NPM1: variants seen among roughly 807,000 people sequenced by gnomAD.
The protein encoded by NPM1 is nucleophosmin 1.
In NPM1, 1 loss-of-function variant was observed where a neutral mutation model predicts 44.1. The ratio of observed to expected loss-of-function variants is 0.02; its 90% CI spans 0.01 to 0.11. The LOEUF (loss-of-function observed/expected upper bound fraction) is 0.11. Ranked by LOEUF, NPM1 falls within the 10% of genes least tolerant of loss-of-function variation. The probability of loss-of-function intolerance (pLI) is 1.00; values close to 1 mark genes in which losing one functional copy is unlikely to be tolerated. For missense variants in NPM1, 197 were observed against 347.8 expected (o/e 0.57, Z 3.45); for synonymous variants, 126 against 111.8 (o/e 1.13, Z -0.80).
intron 1 of NPM1, among the ~76,000 whole-genome samples, chr5:171,389,628 T>C (rs1770468305): frequency 6.6e-6 from 1 of 152,240 alleles, no homozygotes; most frequent in East Asian, 1.9e-4. Flanking sequence ...TCTTTTGTAA[T>C]AGTAAGCTAT....
At chr5:171,391,548 C>A in intron 3 of NPM1, 124 bp downstream of exon 3, 1 of 1,287,056 alleles carries the variant, frequency 7.8e-7, no homozygotes, top group Non-Finnish European at 1.1e-6. Flanking sequence ...CACTGGAGTT[C>A]GATGGTCAAC....
At chr5:171,395,466 A>G (rs931277658) in intron 6 of NPM1, among the ~76,000 whole-genome samples, 1 of 151,930 alleles carries the variant, frequency 6.6e-6, no homozygotes, top group Non-Finnish European at 1.5e-5. Flanking sequence ...CGCCTGGCTA[A>G]GTTTTGTATT....
Position 171,392,925 on chromosome 5 carries a change from A to G in NPM1, c.471A>G (p.Lys157=), listed in dbSNP as rs535582867. 5.6e-6 allele frequency: 9 copies of G among 1,611,752 alleles called. No individual in the cohort carries two copies. The South Asian group carries it at 6.6e-5, about 12-fold the overall frequency. ...TTTTCTTTTAAAAGAAAAAAGTAAA[A>G]CTTGCTGCTGATGAAGATGATGACG... ...GGSKVPQKKV[K]LAADEDDDDD... is the part of the protein sequence containing the mutation. Residue 157 remains lysine, a synonymous_variant, in exon 6 of 11, where the codon AAA becomes AAG. Transcript: ENST00000296930.
At chr5:171,394,671 A>G (rs958183781) in intron 6 of NPM1, among the ~76,000 whole-genome samples, 11 of 152,230 alleles carry the variant, frequency 7.2e-5, no homozygotes, top group African/African-American at 2.7e-4. Context: ...AAGAATGGGA[A>G]ACAGGCTAAA....
chr5:171,400,977 A>AT, intron 8 of NPM1, 52 bp downstream of exon 8: 3 of 1,229,264 alleles, frequency 2.4e-6, no homozygotes, highest in Non-Finnish European at 3.6e-6. Flanking sequence ...GGGGAAAAAG[A>AT]TTCTACTGTG....
chr5:171,396,830 G>C (rs895607753), intron 6 of NPM1, among the ~76,000 whole-genome samples: 39 of 152,090 alleles, frequency 2.6e-4, no homozygotes, highest in Non-Finnish European at 4.4e-4. Context: ...ACATACAGCT[G>C]GGTGTGATGG....
At position 171,392,823 on chromosome 5, in the gene NPM1, A is replaced by G; in HGVS notation, c.459+7A>G. On this transcript the variant is annotated splice_region_variant and intron_variant, in intron 5 of 10. Coordinates refer to ENST00000296930, the MANE Select transcript of NPM1 (RefSeq NM_002520.7). ...TGGTAGCAAGGTTCCACAGGTAGAG[A>G]TGGCAATTTTATTATAGGTTTTGTA... 10 of 1,613,512 alleles carry G rather than the reference A, an allele frequency of 6.2e-6. No individual in the cohort carries two copies. Among genetic ancestry groups the G allele is most frequent in the Non-Finnish European group, 8.5e-6 (10 of 1,179,550 alleles).
chr5:171,388,824 G>T (rs1479712509), intron 1 of NPM1, among the ~76,000 whole-genome samples: 1 of 152,210 alleles, frequency 6.6e-6, no homozygotes, highest in Admixed American at 6.5e-5. Context: ...CCACTTTGCA[G>T]ATGAGGATAC....
In NPM1 at chr5:171,392,949, CGATGAT is replaced by C; in HGVS notation, c.501_506del (p.Asp167_Asp168del). The C allele has an allele frequency of 1.2e-6, 2 of 1,607,678 alleles. No homozygotes were observed. The highest frequency in any genetic ancestry group is 1.7e-6 in the Non-Finnish European group (2 of 1,174,634). ...AACTTGCTGCTGATGAAGATGATGA[CGATGAT>C]GATGAAGAGGATGATGATGAAGAGT... is the stretch of plus-strand genomic sequence containing the variant. On this transcript the variant is annotated inframe_deletion, in exon 6 of 11. Transcript: ENST00000296930.
chr5:171,410,896 A>G lies in NPM1; in HGVS notation c.*331A>G, dbSNP rs117701982. ...ATTTTAATAAAGTAGCACGGTTTCT[A>G]TTGACTTATTTAACTGCTTTATACT... is the stretch of plus-strand genomic sequence containing the variant. On this transcript the variant is annotated 3_prime_UTR_variant, in exon 11 of 11. Coordinates refer to ENST00000296930, the MANE Select transcript of NPM1 (RefSeq NM_002520.7). 9.0e-3 allele frequency: 2,225 copies of G among 248,500 alleles called. 121 individuals carry two copies. The East Asian group carries it at 0.12, about 13-fold the overall frequency. The allele number at this position is 248,500 out of a possible 1,614,324, so 15.4% of individuals were successfully genotyped here. A position where few individuals can be genotyped will look rare whatever the true frequency, so the allele number is the denominator to read the frequency against.
At chr5:171,406,334 A>G (rs1771564846) in intron 9 of NPM1, 15 of 1,428,218 alleles carry the variant, frequency 1.1e-5, no homozygotes, top group Non-Finnish European at 1.4e-5. Context: ...TGCTAAAATG[A>G]CATCTTTTAG....
At chr5:171,387,259 T>C (rs984237600), upstream of NPM1, 1 of 152,372 alleles carries the variant, frequency 6.6e-6, no homozygotes, top group East Asian at 1.9e-4. Context: ...TAACTACATC[T>C]TTCCTTCCTA....
chr5:171,404,174 G>GT (rs1771429586), intron 8 of NPM1, among the ~76,000 whole-genome samples: 1 of 94,952 alleles, frequency 1.1e-5, no homozygotes, highest in African/African-American at 4.3e-5. Context: ...CGGCTGGCCG[G>GT]TCGGGGGGGC....
chr5:171,399,891 TAC>T (rs973696906), intron 6 of NPM1, among the ~76,000 whole-genome samples: 2 of 152,230 alleles, frequency 1.3e-5, no homozygotes, highest in Non-Finnish European at 2.9e-5. Flanking sequence ...AATAGAATCA[TAC>T]AGTGTTTGTT....
Position 171,410,510 on chromosome 5 carries a change from T to A in NPM1, c.847-17T>A. 2.3e-6 allele frequency: 1 copy of A among 443,434 alleles called. No individual in the cohort carries two copies. The highest frequency in any genetic ancestry group is 3.1e-6 in the Non-Finnish European group (1 of 320,164). 27.5% of individuals were successfully genotyped at this position (443,434 alleles called of 1,614,324 possible). On this transcript the variant is annotated splice_polypyrimidine_tract_variant and intron_variant, in intron 10 of 10. Transcript: ENST00000296930. Reference sequence around the variant, plus strand: ...TGTTGTGGTTCCTTAACCACATTTCTTTTTTTTTTTTTCCAGGCTATTCAA... The same window carrying A: ...TGTTGTGGTTCCTTAACCACATTTCATTTTTTTTTTTTCCAGGCTATTCAA...
chr5:171,410,450 G>A (rs563595662), intron 10 of NPM1, 77 bp from the exon 11 acceptor site: 2 of 896,252 alleles, frequency 2.2e-6, no homozygotes, highest in Admixed American at 2.4e-5. Context: ...GTTGAACTAT[G>A]CAAAGAGACA....
In NPM1 at chr5:171,400,821, A is replaced by C. The variant is rs373955757; in HGVS notation, c.583-18A>C. 1.9e-6 allele frequency: 3 copies of C among 1,544,022 alleles called. No individual in the cohort carries two copies. Among genetic ancestry groups the C allele is most frequent in the Non-Finnish European group, 1.8e-6 (2 of 1,117,566 alleles). On this transcript the variant is annotated intron_variant, in intron 7 of 10. Transcript: ENST00000296930. ...GTTGGGGTCAGGGACAGTGATTAAG[A>C]TAAATTTCTAATTGCAGTCTATACG...
At chr5:171,398,619 A>G (rs935205937) in intron 6 of NPM1, among the ~76,000 whole-genome samples, 1 of 151,960 alleles carries the variant, frequency 6.6e-6, no homozygotes, top group African/African-American at 2.4e-5. Flanking sequence ...AAAAATACAA[A>G]TTTTAGCTGG....
chr5:171,392,007 G>C (rs767121118), intron 4 of NPM1, among the ~76,000 whole-genome samples: 252 of 152,086 alleles, frequency 1.7e-3, no homozygotes, highest in Middle Eastern at 6.8e-3. Context: ...ACAGTGGCAC[G>C]ATCTTGGCTC....
Sources: gnomAD v4.1 joint callset for allele counts (sites outside exome capture counted in the v4.1 genomes callset) on GRCh38, gnomAD v4.1.1 for gene constraint, MANE v1.5 for transcripts, NCBI Gene and HGNC (gene_info 2026-07-23, HGNC 2026-07-21) for gene names.